Variants in RYR3 observed in about 807,000 individuals in gnomAD.
RYR3 encodes ryanodine receptor 3, also known as brain ryanodine receptor-calcium release channel.
In RYR3, 207 loss-of-function variants were observed where a neutral mutation model predicts 584.3. The observed-to-expected ratio is 0.35, with a 90% CI of 0.32 to 0.40. The LOEUF is 0.40. Ranked by LOEUF, RYR3 falls within the 10% of genes least tolerant of loss-of-function variation. The pLI, the probability that RYR3 is intolerant of heterozygous loss-of-function variation, is 1.00. For missense variants in RYR3, 5,616 were observed against 6,089.2 expected, an observed-to-expected ratio of 0.92 and a Z score of 2.59; for synonymous variants, 2,416 against 2,248.5, an observed-to-expected ratio of 1.07 and a Z score of -2.11.
rs761395896 is a variant in RYR3 at position 33,853,633 on chromosome 15, T to C, written c.13750T>C (p.Phe4584Leu). 1.3e-5 allele frequency: 21 copies of C among 1,613,894 alleles called. 1 individual carries two copies. Among genetic ancestry groups the C allele is most frequent in the Non-Finnish European group, 1.8e-5 (21 of 1,179,904 alleles). The change falls in exon 96 of 104, where the codon TTT (phenylalanine) becomes CTT (leucine). Residue 4584 changes from phenylalanine to leucine, a missense_variant. By Grantham distance (22) the Phe-to-Leu change is conservative. Coordinates refer to ENST00000634891, the MANE Select transcript of RYR3 (RefSeq NM_001036.6). The stretch of plus-strand genomic sequence containing the variant: ...GGGTTTGGACAAAAATGCTCTTGAC[T>C]TTAGCCCAGTAGAAGAGACCAAAGC... ...LLGLDKNALD[F>L]SPVEETKAEA...
At chr15:33,633,905 A>C (rs1482738102) in intron 24 of RYR3, among the ~76,000 whole-genome samples, 2 of 152,200 alleles carry the variant, frequency 1.3e-5, no homozygotes, top group Non-Finnish European at 2.9e-5. Context: ...TGAGGAGGCT[A>C]TAGCAACTTA....
chr15:33,543,844 C>A, intron 8 of RYR3, 129 bp downstream of exon 8: 1 of 711,564 alleles, frequency 1.4e-6, no homozygotes, highest in Non-Finnish European at 2.5e-6. Context: ...CTTCCTCCAG[C>A]CATGGGTTCC....
At chr15:33,706,267 C>T (rs553032470) in intron 42 of RYR3, among the ~76,000 whole-genome samples, 9 of 152,282 alleles carry the variant, frequency 5.9e-5, no homozygotes, top group African/African-American at 1.9e-4. Context: ...TCATTTTTAA[C>T]TGTATGTGTA....
At chr15:33,733,637 T>A (rs1408818861) in intron 48 of RYR3, among the ~76,000 whole-genome samples, 2 of 152,166 alleles carry the variant, frequency 1.3e-5, no homozygotes, top group Non-Finnish European at 2.9e-5. Context: ...TTTAGGGCAG[T>A]GGAAACAGTA....
At chr15:33,697,749 C>T (rs2065954163) in intron 39 of RYR3, 133 bp from the exon 40 acceptor site, 1 of 602,434 alleles carries the variant, frequency 1.7e-6, no homozygotes, top group African/African-American at 1.8e-5. Flanking sequence ...TGAACTAGTG[C>T]TTTCTTATTA....
chr15:33,366,385 A>G (rs935231674), intron 1 of RYR3, among the ~76,000 whole-genome samples: 3 of 152,174 alleles, frequency 2.0e-5, no homozygotes, highest in Admixed American at 6.5e-5. Context: ...AAAGCTTTCA[A>G]CAGTAGTTAA....
chr15:33,767,732 T>G (rs930718460), intron 60 of RYR3, among the ~76,000 whole-genome samples: 48 of 152,338 alleles, frequency 3.2e-4, no homozygotes, highest in African/African-American at 1.1e-3. Flanking sequence ...TTTTTCCCTC[T>G]TTCTATTCCA....
intron 1 of RYR3, among the ~76,000 whole-genome samples, chr15:33,387,456 C>A (rs1382933969): frequency 1.3e-5 from 2 of 152,118 alleles, no homozygotes; most frequent in Non-Finnish European, 2.9e-5. Context: ...CAACAGGGCA[C>A]AGGGGTTCCA....
chr15:33,724,214 C>T (rs760687244), intron 45 of RYR3, 38 bp downstream of exon 45: 2 of 1,150,980 alleles, frequency 1.7e-6, no homozygotes, highest in East Asian at 2.4e-5. Flanking sequence ...CTTTGAGAAA[C>T]CTATGCCAAG....
chr15:33,439,716 G>A (rs1050771475), intron 1 of RYR3, among the ~76,000 whole-genome samples: 5 of 152,098 alleles, frequency 3.3e-5, no homozygotes, highest in Non-Finnish European at 7.4e-5. Flanking sequence ...AATAAAATCA[G>A]AATGATAATA....
At chr15:33,341,545 A>G (rs1297135927) in intron 1 of RYR3, among the ~76,000 whole-genome samples, 1 of 152,176 alleles carries the variant, frequency 6.6e-6, no homozygotes, top group Non-Finnish European at 1.5e-5. Flanking sequence ...CAACCTGGAA[A>G]TAGATCTGAG....
At chr15:33,718,458 A>G (rs2152803385) in intron 43 of RYR3, among the ~76,000 whole-genome samples, 1 of 152,322 alleles carries the variant, frequency 6.6e-6, no homozygotes, top group East Asian at 1.9e-4. Flanking sequence ...TTCTCATGGC[A>G]TGTACAGTCT....
intron 2 of RYR3, among the ~76,000 whole-genome samples, chr15:33,500,003 A>C (rs1211673782): frequency 6.6e-6 from 1 of 152,228 alleles, no homozygotes; most frequent in African/African-American, 2.4e-5. Flanking sequence ...ATCTGTCTAC[A>C]GCCACAGCCA....
At chr15:33,667,109 C>T (rs928377140) in intron 36 of RYR3, among the ~76,000 whole-genome samples, 1 of 152,078 alleles carries the variant, frequency 6.6e-6, no homozygotes, top group South Asian at 2.1e-4. Flanking sequence ...TACCTACTTG[C>T]AAAATATGGT....
At position 33,696,475 on chromosome 15, in the gene RYR3, A is replaced by G. The variant is rs750470691; in HGVS notation, c.6118A>G (p.Met2040Val). The G allele has an allele frequency of 3.1e-6, 5 of 1,614,008 alleles. No homozygotes were observed. The Admixed American group carries it at 8.3e-5, about 27-fold the overall frequency. ...GATGGGCAAGGAAGAGGAGTTGCTC[A>G]TGATCAATGGGCTGGGGTAGGTGAT... ...VRMGKEEELLMINGLGDIMNN... is the reference protein window; with the variant it reads ...VRMGKEEELLVINGLGDIMNN... The change falls in exon 39 of 104, where the codon ATG (methionine) becomes GTG (valine). Residue 2040 changes from methionine (M) to valine (V), a missense_variant. Physicochemically the swap from Met to Val is conservative, Grantham distance 21. Around this residue, in one of 9 missense-constraint regions of RYR3, gnomAD observed 1,280 missense variants for 1,426.2 expected, o/e 0.90. Coordinates refer to ENST00000634891, the MANE Select transcript of RYR3 (RefSeq NM_001036.6).
chr15:33,718,806 A>T (rs1000501933), intron 43 of RYR3, among the ~76,000 whole-genome samples: 1 of 152,202 alleles, frequency 6.6e-6, no homozygotes, highest in East Asian at 1.9e-4. Context: ...CGAAAAGAAA[A>T]CAGTAACATG....
Position 33,842,028 on chromosome 15 carries a change from A to G in RYR3, c.13202A>G (p.Lys4401Arg). Residue 4401 changes from lysine (K) to arginine (R), a missense_variant, in exon 91 of 104, where the codon AAG (lysine) becomes AGG (arginine). Lys to Arg is a conservative substitution (Grantham distance 26, BLOSUM62 2). Around this residue, in one of 9 missense-constraint regions of RYR3, gnomAD observed 918 missense variants for 887.4 expected, o/e 1.03. Coordinates refer to ENST00000634891, the MANE Select transcript of RYR3 (RefSeq NM_001036.6). ...AAAGGGCTGGAAATCTATCAGACCA[A>G]GTTACTGGTAAGCATTCCAACCTTG... ...FFKGLEIYQT[K>R]LLHYLARNFY... is the part of the protein sequence containing the mutation. The G allele has an allele frequency of 1.9e-6, 3 of 1,598,516 alleles. No individual in the cohort carries two copies. The highest frequency in any genetic ancestry group is 2.6e-6 in the Non-Finnish European group (3 of 1,172,264).
chr15:33,558,271 G>A (rs7179429), intron 10 of RYR3, among the ~76,000 whole-genome samples: 18,098 of 138,684 alleles, frequency 0.13, 3,570 homozygotes, highest in African/African-American at 0.43. Context: ...AACAGGCCCC[G>A]GTGTGTGATG....
intron 18 of RYR3, among the ~76,000 whole-genome samples, chr15:33,606,561 T>A (rs1437701146): frequency 6.6e-6 from 1 of 152,156 alleles, no homozygotes; most frequent in Non-Finnish European, 1.5e-5. Context: ...GGGAAGTCAT[T>A]TTCAGGCATC....
Sources: gnomAD v4.1 joint callset for allele counts (sites outside exome capture counted in the v4.1 genomes callset) on GRCh38, gnomAD v4.1.1 for gene constraint, gnomAD v4.1.1 regional missense constraint, MANE v1.5 for transcripts, NCBI Gene and HGNC (gene_info 2026-07-23, HGNC 2026-07-21) for gene names.